The following NRROS variants were observed in gnomAD, a reference collection of about 807,000 sequenced individuals.
The protein encoded by NRROS is transforming growth factor beta activator LRRC33.
In NRROS, 6 loss-of-function variants were observed where a neutral mutation model predicts 12.0. That is an observed-to-expected ratio of 0.50 (90% CI 0.27 to 0.98). The LOEUF is 0.98. Ranked by LOEUF, NRROS falls within the 50% of genes least tolerant of loss-of-function variation. The pLI, the probability that NRROS is intolerant of heterozygous loss-of-function variation, is 0.11. For missense variants in NRROS, 857 were observed against 888.2 expected, an observed-to-expected ratio of 0.96 and a Z score of 0.45; for synonymous variants, 462 against 410.2, an observed-to-expected ratio of 1.13 and a Z score of -1.53.
In NRROS at chr3:196,661,795, T is replaced by G. The variant is rs928158574; in HGVS notation, c.*73T>G. ...ACTTTCTCTGCCAGCTTTCAAGATG[T>G]GATGCAGAGGCCAAGTCTGACGAAT... On this transcript the variant is annotated 3_prime_UTR_variant, in exon 3 of 3. Transcript: ENST00000328557. The G allele has an allele frequency of 2.9e-5, 39 of 1,326,368 alleles. No individual in the cohort carries two copies. Among genetic ancestry groups the G allele is most frequent in the Non-Finnish European group, 3.8e-5 (37 of 972,672 alleles). The allele number at this position is 1,326,368 out of a possible 1,614,324, so 82.2% of individuals were successfully genotyped here.
chr3:196,647,451 G>T lies in NRROS; in HGVS notation c.-13-7076G>T, dbSNP rs58129413. ...CACATCACAATTCTAAATGTTTGTT[G>T]TTCTAATCCTCAATTTCAAGTTCTT... On this transcript the variant is annotated intron_variant, in intron 1 of 2. Transcript: ENST00000328557. Among the ~76,000 whole-genome samples the T allele has an allele frequency of 1.1e-3, 162 of 152,236 alleles. 5 individuals are homozygous for T. In the East Asian group the frequency reaches 0.029, roughly 27 times the overall value.
At chr3:196,646,282 G>A (rs937119801) in intron 1 of NRROS, among the ~76,000 whole-genome samples, 2 of 152,252 alleles carry the variant, frequency 1.3e-5, no homozygotes, top group African/African-American at 4.8e-5. Context: ...GTGGCAGGTA[G>A]CCACTCCCTC....
intron 1 of NRROS, among the ~76,000 whole-genome samples, chr3:196,649,988 G>C (rs1737388518): frequency 6.6e-6 from 1 of 152,184 alleles, no homozygotes; most frequent in African/African-American, 2.4e-5. Flanking sequence ...CAGGGGAGGT[G>C]GGGGTGGGGA....
chr3:196,655,321 G>A (rs192823552), intron 2 of NRROS, among the ~76,000 whole-genome samples: 2 of 151,702 alleles, frequency 1.3e-5, no homozygotes, highest in Non-Finnish European at 2.9e-5. Flanking sequence ...GATCACCTGA[G>A]GTCAGGAGTT....
At chr3:196,658,068 A>G (rs912842524) in intron 2 of NRROS, among the ~76,000 whole-genome samples, 7 of 152,310 alleles carry the variant, frequency 4.6e-5, no homozygotes, top group Non-Finnish European at 7.4e-5. Flanking sequence ...ATTTGATCAA[A>G]AGCAGAGCCA....
intron 2 of NRROS, among the ~76,000 whole-genome samples, chr3:196,659,280 T>C (rs921230610): frequency 6.1e-5 from 9 of 146,520 alleles, no homozygotes; most frequent in African/African-American, 1.3e-4. Flanking sequence ...TTCAGGATGG[T>C]GAAAGCTCTC....
At chr3:196,659,605 G>A (rs1251818664) in intron 2 of NRROS, 147 bp from the exon 3 acceptor site, 11 of 836,718 alleles carry the variant, frequency 1.3e-5, no homozygotes, top group East Asian at 8.1e-5. Flanking sequence ...CACCGTGCCC[G>A]GCCTTGTCTA....
At chr3:196,640,420 C>T (rs1173384952) in intron 1 of NRROS, among the ~76,000 whole-genome samples, 1 of 152,194 alleles carries the variant, frequency 6.6e-6, no homozygotes, top group Non-Finnish European at 1.5e-5. Flanking sequence ...AGATGCCGTC[C>T]ACGTGCCAGG....
intron 1 of NRROS, among the ~76,000 whole-genome samples, chr3:196,641,748 G>T (rs1031768682): frequency 7.9e-5 from 12 of 152,150 alleles, no homozygotes; most frequent in Admixed American, 2.6e-4. Flanking sequence ...ATGACAACCT[G>T]CATTCTGGCT....
chr3:196,649,385 T>A (rs1226061192), intron 1 of NRROS, among the ~76,000 whole-genome samples: 2 of 152,242 alleles, frequency 1.3e-5, no homozygotes, highest in Non-Finnish European at 2.9e-5. Context: ...TGTGTGTCCA[T>A]GAGTGTCACT....
At chr3:196,643,969 C>T (rs73221623) in intron 1 of NRROS, among the ~76,000 whole-genome samples, 9,520 of 152,272 alleles carry the variant, frequency 0.063, 346 homozygotes, top group Middle Eastern at 0.14. Context: ...GGCCCTGGAC[C>T]ACCTCCTTCA....
chr3:196,648,747 C>T (rs917786155), intron 1 of NRROS, among the ~76,000 whole-genome samples: 4 of 94,120 alleles, frequency 4.2e-5, no homozygotes, highest in Non-Finnish European at 7.6e-5. Context: ...GCCTGGGCAA[C>T]AAGAGTGAAA....
chr3:196,660,589 G>A lies in NRROS; in HGVS notation c.946G>A (p.Val316Ile), dbSNP rs1424955245. Residue 316 changes from valine to isoleucine, a missense_variant, in exon 3 of 3, where the codon GTC becomes ATC. Val to Ile is a conservative substitution (Grantham distance 29). Coordinates refer to ENST00000328557, the MANE Select transcript of NRROS (RefSeq NM_198565.3). This position sits in a 1 kb window ranked among gnomAD's most constrained non-coding sequence, Gnocchi z 7.7. Reference sequence around the variant, plus strand: ...CGGCAACGTGACCAACATCACCACCGTCAGCCTCTGGGAAGAATTCTCCTC... The same window carrying A: ...CGGCAACGTGACCAACATCACCACCATCAGCCTCTGGGAAGAATTCTCCTC... ...VDGNVTNITT[V>I]SLWEEFSSSD... 6 of 1,614,048 alleles carry A rather than the reference G, an allele frequency of 3.7e-6. No individual in the cohort carries two copies. The highest frequency in any genetic ancestry group is 4.5e-5 in the East Asian group (2 of 44,896).
intron 2 of NRROS, 151 bp from the exon 3 acceptor site, chr3:196,659,601 G>A: frequency 1.2e-6 from 1 of 800,850 alleles, no homozygotes; most frequent in Non-Finnish European, 1.9e-6. Flanking sequence ...GAACCACCGT[G>A]CCCGGCCTTG....
chr3:196,661,600 C>A lies in NRROS; in HGVS notation c.1957C>A (p.Leu653Ile), dbSNP rs1422003543. ...GCGGCTGGACCTGGGCCTGCTCTAC[C>A]TCGTGCTCATCCTCCCCAGCTGCCT... ...WERLDLGLLY[L>I]VLILPSCLTL... Residue 653 changes from leucine to isoleucine, a missense_variant, in exon 3 of 3, where the codon CTC becomes ATC. Transcript: ENST00000328557. 1.2e-6 allele frequency: 2 copies of A among 1,613,716 alleles called. No individual in the cohort carries two copies. The highest frequency in any genetic ancestry group is 4.5e-5 in the East Asian group (2 of 44,886).
Position 196,661,114 on chromosome 3 carries a change from G to A in NRROS, c.1471G>A (p.Asp491Asn), listed in dbSNP as rs941939949. 4.3e-6 allele frequency: 7 copies of A among 1,613,842 alleles called. No homozygotes were observed. The highest frequency in any genetic ancestry group is 5.9e-6 in the Non-Finnish European group (7 of 1,179,798). ...PFQGTSLTYL[D>N]LSSNWGVLNG... ...CCAAGGGACCTCCCTGACCTACTTA[G>A]ACCTCTCAAGCAACTGGGGGGTTCT... is the stretch of plus-strand genomic sequence containing the variant. Residue 491 changes from aspartate (D) to asparagine (N), a missense_variant, in exon 3 of 3, where the codon GAC (aspartate) becomes AAC (asparagine). Physicochemically the swap from Asp to Asn is conservative, Grantham distance 23. Coordinates refer to ENST00000328557, the MANE Select transcript of NRROS (RefSeq NM_198565.3).
rs1737503714 is a variant in NRROS at position 196,654,748 on chromosome 3, T to C, written c.108+101T>C. On this transcript the variant is annotated intron_variant, in intron 2 of 2. Transcript: ENST00000328557. This position sits in a 1 kb window ranked among gnomAD's most constrained non-coding sequence, Gnocchi z 4.4. ...ATTGTCCATCAGGAAGGGCAGAGAA[T>C]GAAGGAGCCTGCATCACTCTGTGCC... 4.2e-6 allele frequency: 3 copies of C among 709,914 alleles called. No homozygotes were observed. Among genetic ancestry groups the C allele is most frequent in the Non-Finnish European group, 7.2e-6 (3 of 417,046 alleles). The allele number at this position is 709,914 out of a possible 1,614,324, so 44.0% of individuals were successfully genotyped here. A position where few individuals can be genotyped will look rare whatever the true frequency, so the allele number is the denominator to read the frequency against.
Position 196,661,577 on chromosome 3 carries a change from G to A in NRROS, c.1934G>A (p.Arg645Gln), listed in dbSNP as rs368013458. 1.9e-5 allele frequency: 30 copies of A among 1,613,874 alleles called. No homozygotes were observed. The highest frequency in any genetic ancestry group is 2.4e-5 in the Non-Finnish European group (28 of 1,180,002). ...GTGCCTCGGGACTGCAAGTGGGAGC[G>A]GCTGGACCTGGGCCTGCTCTACCTC... ...GGVPRDCKWE[R>Q]LDLGLLYLVL... The change falls in exon 3 of 3, where the codon CGG becomes CAG. Residue 645 changes from arginine (R) to glutamine (Q), a missense_variant. Transcript: ENST00000328557.
intron 2 of NRROS, among the ~76,000 whole-genome samples, chr3:196,658,741 C>T (rs963824358): frequency 6.6e-6 from 1 of 152,162 alleles, no homozygotes; most frequent in East Asian, 1.9e-4. Flanking sequence ...CCGAGGCAGG[C>T]AGATCACCTG....
Sources: allele counts gnomAD v4.1 joint callset (sites outside exome capture counted in the v4.1 genomes callset), GRCh38; gene constraint gnomAD v4.1.1; non-coding constraint Gnocchi (gnomAD v3.1); transcripts MANE v1.5; gene names NCBI Gene and HGNC (gene_info 2026-07-23, HGNC 2026-07-21).